The following PTPRO variants were observed in gnomAD, a reference collection of about 807,000 sequenced individuals.
PTPRO encodes the protein receptor-type tyrosine-protein phosphatase O.
In PTPRO, 62 loss-of-function variants were observed where a neutral mutation model predicts 145.2. The observed-to-expected ratio is 0.43, with a 90% CI of 0.35 to 0.53. The LOEUF (loss-of-function observed/expected upper bound fraction) is 0.53. Ranked by LOEUF, PTPRO falls within the 20% of genes least tolerant of loss-of-function variation. The pLI is 0.01. For synonymous variants in PTPRO, 565 were observed against 514.7 expected (o/e 1.10, Z -1.32); for missense variants, 1,345 against 1,482.7 (o/e 0.91, Z 1.53).
At chr12:15,429,083 C>G (rs1224070872) in intron 1 of PTPRO, among the ~76,000 whole-genome samples, 2 of 152,068 alleles carry the variant, frequency 1.3e-5, no homozygotes, top group Non-Finnish European at 2.9e-5. Flanking sequence ...TTGAAGACAA[C>G]GAAGAAAACA....
At chr12:15,409,818 G>A (rs998381298) in intron 1 of PTPRO, among the ~76,000 whole-genome samples, 2 of 152,180 alleles carry the variant, frequency 1.3e-5, no homozygotes, top group Admixed American at 6.5e-5. Context: ...CCAAGGGGGA[G>A]GGTGCTAAAC....
Position 15,513,145 on chromosome 12 carries a change from AAG to A in PTPRO, c.1465-2351_1465-2350del, listed in dbSNP as rs1483138370. On this transcript the variant is annotated intron_variant, in intron 7 of 26. Transcript: ENST00000281171. Reference sequence around the variant, plus strand: ...GAAGGAAGGAAGGAAGGAAGGAAGAAAGAAAGAAAGAAAAAGAAAGAAAGAAA... The same window carrying A: ...GAAGGAAGGAAGGAAGGAAGGAAGAAAAAGAAAGAAAAAGAAAGAAAGAAA... Among the ~76,000 whole-genome samples the A allele has an allele frequency of 4.3e-3, 193 of 44,418 alleles. 13 individuals are homozygous for A. Among genetic ancestry groups the A allele is most frequent in the African/African-American group, 0.015 (165 of 11,136 alleles). 29.1% of individuals were successfully genotyped at this position (44,418 alleles called of 152,430 possible). A position where few individuals can be genotyped will look rare whatever the true frequency, so the allele number is the denominator to read the frequency against.
chr12:15,407,724 A>C (rs1939686874), intron 1 of PTPRO, among the ~76,000 whole-genome samples: 1 of 152,232 alleles, frequency 6.6e-6, no homozygotes, highest in African/African-American at 2.4e-5. Flanking sequence ...AAAATTGAGC[A>C]ATATAAAATT....
chr12:15,468,239 T>C (rs1321079362), intron 1 of PTPRO, among the ~76,000 whole-genome samples: 1 of 152,196 alleles, frequency 6.6e-6, no homozygotes, highest in East Asian at 1.9e-4. Flanking sequence ...CCAATAGGAA[T>C]TCTGGAGCCA....
intron 17 of PTPRO, among the ~76,000 whole-genome samples, chr12:15,562,276 G>A (rs1943792911): frequency 6.6e-6 from 1 of 152,114 alleles, no homozygotes. Flanking sequence ...TTCCCTGTTT[G>A]CTTCATCTAA....
chr12:15,477,307 C>T (rs1941676336), intron 1 of PTPRO, among the ~76,000 whole-genome samples: 1 of 127,584 alleles, frequency 7.8e-6, no homozygotes, highest in African/African-American at 3.1e-5. Context: ...ACAATGAGAT[C>T]ACATGGACAC....
chr12:15,591,226 C>A (rs1257471676), intron 25 of PTPRO, among the ~76,000 whole-genome samples: 2 of 151,960 alleles, frequency 1.3e-5, no homozygotes, highest in African/African-American at 4.8e-5. Context: ...AAAAAATTAG[C>A]CTGGCCTGGT....
intron 1 of PTPRO, among the ~76,000 whole-genome samples, chr12:15,345,716 T>G (rs1191397937): frequency 6.6e-6 from 1 of 152,166 alleles, no homozygotes; most frequent in Non-Finnish European, 1.5e-5. Context: ...CTGCATGTTC[T>G]GCACATGTAT....
At chr12:15,460,442 A>G (rs560218117) in intron 1 of PTPRO, among the ~76,000 whole-genome samples, 84 of 152,316 alleles carry the variant, frequency 5.5e-4, no homozygotes, top group Non-Finnish European at 9.7e-4. Context: ...AAATGCAGTC[A>G]AGAAAGCCCT....
chr12:15,388,346 C>A (rs959706725), intron 1 of PTPRO, among the ~76,000 whole-genome samples: 3 of 152,010 alleles, frequency 2.0e-5, no homozygotes, highest in African/African-American at 7.2e-5. Context: ...GAAGAGATAG[C>A]CACTCACCCA....
At chr12:15,439,277 T>TA (rs2136355333) in intron 1 of PTPRO, among the ~76,000 whole-genome samples, 1 of 152,304 alleles carries the variant, frequency 6.6e-6, no homozygotes, top group African/African-American at 2.4e-5. Flanking sequence ...AAGGGAGTTC[T>TA]AAACATGGAA....
At chr12:15,449,887 C>A (rs973395332) in intron 1 of PTPRO, among the ~76,000 whole-genome samples, 1 of 152,150 alleles carries the variant, frequency 6.6e-6, no homozygotes, top group Non-Finnish European at 1.5e-5. Context: ...CCCTAACAAA[C>A]TTTTGTCATC....
intron 17 of PTPRO, 45 bp from the exon 18 acceptor site, chr12:15,565,548 A>G (rs371021461): frequency 1.9e-5 from 24 of 1,276,214 alleles, no homozygotes; most frequent in South Asian, 7.3e-5. Flanking sequence ...ATGTTAATCA[A>G]TTCTTCTGCC....
At chr12:15,590,217 C>A (rs1208498006) in intron 25 of PTPRO, among the ~76,000 whole-genome samples, 1 of 152,154 alleles carries the variant, frequency 6.6e-6, no homozygotes, top group Non-Finnish European at 1.5e-5. Context: ...GTCCTCCCTC[C>A]CTGAAAGCCT....
intron 4 of PTPRO, among the ~76,000 whole-genome samples, chr12:15,501,227 A>G (rs539303578): frequency 8.5e-5 from 13 of 152,284 alleles, no homozygotes; most frequent in South Asian, 4.1e-4. Flanking sequence ...CTATAAGTAC[A>G]CTATACTTGT....
chr12:15,485,986 A>T (rs968486119), intron 2 of PTPRO, among the ~76,000 whole-genome samples: 1 of 152,108 alleles, frequency 6.6e-6, no homozygotes, highest in African/African-American at 2.4e-5. Context: ...TTATGGGTCC[A>T]AATATGGTCT....
chr12:15,530,920 G>A (rs796219287), intron 12 of PTPRO, among the ~76,000 whole-genome samples: 25 of 151,730 alleles, frequency 1.6e-4, no homozygotes, highest in African/African-American at 4.6e-4. Flanking sequence ...AAATACAGAA[G>A]ATCAACACAA....
rs760413451 is a variant in PTPRO, at chr12:15,484,257, A to G, written c.349+10A>G. 5.6e-6 allele frequency: 9 copies of G among 1,612,896 alleles called. No homozygotes were observed. The highest frequency in any genetic ancestry group is 2.2e-5 in the South Asian group (2 of 91,052). On this transcript the variant is annotated intron_variant, in intron 2 of 26. Coordinates refer to ENST00000281171, the MANE Select transcript of PTPRO (RefSeq NM_030667.3). ...ATCACTGTGTTAACAAGTAAGCATC[A>G]TGTGTAATATTGTCCCGTTTCTTCT...
chr12:15,574,387 C>A (rs1340267156), intron 19 of PTPRO, among the ~76,000 whole-genome samples: 2 of 152,096 alleles, frequency 1.3e-5, no homozygotes, highest in Non-Finnish European at 2.9e-5. Flanking sequence ...TGTGAGAGCC[C>A]AGAAGACATA....
Sources: allele counts gnomAD v4.1 joint callset (sites outside exome capture counted in the v4.1 genomes callset), GRCh38; gene constraint gnomAD v4.1.1; transcripts MANE v1.5; gene names NCBI Gene and HGNC (gene_info 2026-07-23, HGNC 2026-07-21).